Variants in PLXDC2 observed in about 807,000 individuals in gnomAD.
The protein encoded by PLXDC2 is plexin domain containing 2.
PLXDC2 carries 40 observed loss-of-function variants against 68.9 expected under a neutral mutation model. The ratio of observed to expected loss-of-function variants is 0.58; its 90% confidence interval spans 0.45 to 0.76. The LOEUF is 0.76. Among genes scored for constraint, PLXDC2 ranks in the 30% least tolerant of loss-of-function variants. PLXDC2 has a pLI of 0.00. For missense variants in PLXDC2, 644 were observed against 661.9 expected (o/e 0.97, Z 0.30); for synonymous variants, 243 against 234.2 (o/e 1.04, Z -0.34).
At chr10:20,189,485 A>T (rs1834732106) in intron 9 of PLXDC2, among the ~76,000 whole-genome samples, 2 of 122,404 alleles carry the variant, frequency 1.6e-5, no homozygotes, top group African/African-American at 5.9e-5. Context: ...CCATATATAT[A>T]TATATATATA....
At chr10:19,856,981 T>C (rs1269501737) in intron 1 of PLXDC2, among the ~76,000 whole-genome samples, 1 of 152,192 alleles carries the variant, frequency 6.6e-6, no homozygotes, top group East Asian at 1.9e-4. Flanking sequence ...CTGCTGTGGC[T>C]CTTTTATTTT....
intron 2 of PLXDC2, among the ~76,000 whole-genome samples, chr10:20,045,265 G>A (rs74859677): frequency 0.037 from 5,694 of 152,112 alleles, 147 homozygotes; most frequent in South Asian, 0.068. Context: ...TCTGCCTGCA[G>A]AGTTAAGCAG....
At chr10:20,202,080 G>A (rs978744415) in intron 9 of PLXDC2, among the ~76,000 whole-genome samples, 1 of 152,066 alleles carries the variant, frequency 6.6e-6, no homozygotes, top group African/African-American at 2.4e-5. Context: ...CAAATTGTGT[G>A]CGGCAGTTCA....
chr10:19,931,492 C>A (rs144119802), intron 1 of PLXDC2, among the ~76,000 whole-genome samples: 2 of 152,312 alleles, frequency 1.3e-5, no homozygotes, highest in East Asian at 3.9e-4. Context: ...ATTTTAAATG[C>A]TCCAGTGGGC....
intron 9 of PLXDC2, among the ~76,000 whole-genome samples, chr10:20,209,000 T>C (rs562554315): frequency 6.6e-6 from 1 of 151,770 alleles, no homozygotes; most frequent in Admixed American, 6.6e-5. Flanking sequence ...GGTAATAGAA[T>C]ATCACAAGGC....
rs371699055 is a variant in PLXDC2, at chr10:20,229,765, AC to A, written c.1312+10664del. Among the ~76,000 whole-genome samples the A allele has an allele frequency of 2.6e-4, 39 of 152,304 alleles. No individual in the cohort carries two copies. The East Asian group carries it at 7.5e-3, about 29-fold the overall frequency. On this transcript the variant is annotated intron_variant, in intron 12 of 13. Transcript: ENST00000377252. ...GCAAGATTTTTAATGTAACTTGAGT[AC>A]TAAGGACAGCAGTTAATTATCTGAA... is the stretch of plus-strand genomic sequence containing the variant.
chr10:19,825,525 A>T (rs1836554986), intron 1 of PLXDC2, among the ~76,000 whole-genome samples: 1 of 152,166 alleles, frequency 6.6e-6, no homozygotes, highest in South Asian at 2.1e-4. Context: ...TGAACATTCG[A>T]TAATGTTTTT....
intron 2 of PLXDC2, among the ~76,000 whole-genome samples, chr10:20,036,535 C>T: frequency 6.6e-6 from 1 of 152,122 alleles, no homozygotes; most frequent in East Asian, 1.9e-4. Context: ...CAATTTCCAG[C>T]CCTGTTAAAT....
In PLXDC2 at chr10:20,097,607, A is replaced by G. The variant is rs576001573; in HGVS notation, c.541+29368A>G. On this transcript the variant is annotated intron_variant, in intron 4 of 13. Transcript: ENST00000377252. ...AATTTTAAAGTTGTGATTGAATAGA[A>G]AAACACTGATGAATCAAAACCCGGT... is the stretch of plus-strand genomic sequence containing the variant. 9.9e-5 allele frequency among the ~76,000 whole-genome samples: 15 copies of G among 152,236 alleles called. No individual in the cohort carries two copies. In the South Asian group the frequency reaches 3.1e-3, roughly 32 times the overall value.
chr10:20,177,919 A>G (rs1017529551), intron 9 of PLXDC2, among the ~76,000 whole-genome samples: 3 of 152,118 alleles, frequency 2.0e-5, no homozygotes, highest in Non-Finnish European at 4.4e-5. Flanking sequence ...AAAATTACTA[A>G]CAGCATTTAT....
At chr10:19,860,837 A>C (rs1837306062) in intron 1 of PLXDC2, among the ~76,000 whole-genome samples, 1 of 152,126 alleles carries the variant, frequency 6.6e-6, no homozygotes, top group Non-Finnish European at 1.5e-5. Flanking sequence ...CTTCAGTACC[A>C]GAGAAAATCT....
At chr10:19,888,004 C>T (rs940222775) in intron 1 of PLXDC2, among the ~76,000 whole-genome samples, 1 of 152,192 alleles carries the variant, frequency 6.6e-6, no homozygotes, top group Non-Finnish European at 1.5e-5. Context: ...TTGCAGTTTG[C>T]TGTGTGGTCT....
At chr10:19,966,346 T>A (rs923822345) in intron 1 of PLXDC2, among the ~76,000 whole-genome samples, 2 of 2,200 alleles carry the variant, frequency 9.1e-4, no homozygotes, top group East Asian at 0.031. Flanking sequence ...ACATATATAA[T>A]AAATGTATGT....
chr10:20,207,341 T>C (rs11011870), intron 9 of PLXDC2, among the ~76,000 whole-genome samples: 31,653 of 152,104 alleles, frequency 0.21, 4,323 homozygotes, highest in East Asian at 0.4. Flanking sequence ...CTGGGATTAA[T>C]TTAATAATTT....
At chr10:19,831,186 A>T (rs554572326) in intron 1 of PLXDC2, among the ~76,000 whole-genome samples, 9 of 152,312 alleles carry the variant, frequency 5.9e-5, no homozygotes, top group Middle Eastern at 3.4e-3. Flanking sequence ...ATAAGTCATA[A>T]GCTGTGACTG....
chr10:19,889,826 G>C (rs1382331555), intron 1 of PLXDC2, among the ~76,000 whole-genome samples: 1 of 152,178 alleles, frequency 6.6e-6, no homozygotes, highest in Non-Finnish European at 1.5e-5. Flanking sequence ...TAATTAAAAT[G>C]AGGGCTAATC....
intron 1 of PLXDC2, among the ~76,000 whole-genome samples, chr10:19,982,548 C>T (rs1341536677): frequency 1.3e-5 from 2 of 152,114 alleles, no homozygotes; most frequent in Non-Finnish European, 2.9e-5. Context: ...AATTAATTAA[C>T]ATATATGTTT....
chr10:19,966,539 A>T (rs1433308505), intron 1 of PLXDC2, among the ~76,000 whole-genome samples: 3 of 151,764 alleles, frequency 2.0e-5, no homozygotes, highest in Non-Finnish European at 2.9e-5. Context: ...TTTGGGTCAC[A>T]TTTTTAAATG....
At chr10:20,127,715 T>C (rs1173058810) in intron 4 of PLXDC2, among the ~76,000 whole-genome samples, 2 of 152,036 alleles carry the variant, frequency 1.3e-5, no homozygotes, top group Non-Finnish European at 2.9e-5. Context: ...GAAAATGGGG[T>C]GTAGTGGAAC....
Sources: gnomAD v4.1 joint callset for allele counts (sites outside exome capture counted in the v4.1 genomes callset) on GRCh38, gnomAD v4.1.1 for gene constraint, MANE v1.5 for transcripts, NCBI Gene and HGNC (gene_info 2026-07-23, HGNC 2026-07-21) for gene names.